BRMS1L: variants seen among roughly 807,000 people sequenced by gnomAD.
BRMS1L encodes the protein BRMS1 like transcriptional repressor.
In BRMS1L, 23 loss-of-function variants were observed where a neutral mutation model predicts 50.3. The observed-to-expected ratio is 0.46, with a 90% CI of 0.33 to 0.65. BRMS1L has a LOEUF of 0.65. Ranked by LOEUF, BRMS1L falls within the 30% of genes least tolerant of loss-of-function variation. The pLI, the probability that BRMS1L is intolerant of heterozygous loss-of-function variation, is 0.02. For missense variants in BRMS1L, 286 were observed against 386.1 expected (o/e 0.74, Z 2.17); for synonymous variants, 114 against 126.9 (o/e 0.90, Z 0.69).
chr14:35,854,407 T>C (rs1186847490), intron 4 of BRMS1L, among the ~76,000 whole-genome samples: 1 of 152,248 alleles, frequency 6.6e-6, no homozygotes, highest in Non-Finnish European at 1.5e-5. Flanking sequence ...AAGTCTGCAG[T>C]CATTCGTCGA....
chr14:35,846,581 G>T (rs774693568), intron 4 of BRMS1L, among the ~76,000 whole-genome samples: 1 of 152,008 alleles, frequency 6.6e-6, no homozygotes, highest in Non-Finnish European at 1.5e-5. Context: ...TTTTGAGTTG[G>T]TCTGCTATTT....
At chr14:35,863,110 A>AT (rs2078375269) in intron 5 of BRMS1L, among the ~76,000 whole-genome samples, 1 of 152,192 alleles carries the variant, frequency 6.6e-6, no homozygotes, top group African/African-American at 2.4e-5. Flanking sequence ...CCAAAAAAAA[A>AT]AAGAATAGTA....
chr14:35,858,267 C>A (rs910675625), intron 4 of BRMS1L, among the ~76,000 whole-genome samples: 1 of 152,162 alleles, frequency 6.6e-6, no homozygotes, highest in African/African-American at 2.4e-5. Context: ...GAAGGGCTCC[C>A]TCCTGGAAGC....
rs1384161786 is a variant in BRMS1L, at chr14:35,871,821, T to C, written c.*1344T>C. 1 of 152,680 alleles carries C rather than the reference T, an allele frequency of 6.5e-6. No individual in the cohort carries two copies. Among genetic ancestry groups the C allele is most frequent in the African/African-American group, 2.4e-5 (1 of 41,466 alleles). The allele number at this position is 152,680 out of a possible 1,614,324, so 9.5% of individuals were successfully genotyped here. On this transcript the variant is annotated 3_prime_UTR_variant, in exon 10 of 10. Coordinates refer to ENST00000216807, the MANE Select transcript of BRMS1L (RefSeq NM_032352.4). Reference sequence around the variant, plus strand: ...CAAAGTGATATTACGTTGTTCTGTTTCTAATTAACCTTAGCAAATGTACAT... The same window carrying C: ...CAAAGTGATATTACGTTGTTCTGTTCCTAATTAACCTTAGCAAATGTACAT...
intron 3 of BRMS1L, among the ~76,000 whole-genome samples, chr14:35,834,477 A>G (rs772698661): frequency 7.2e-5 from 11 of 152,162 alleles, no homozygotes; most frequent in Admixed American, 6.5e-5. Context: ...TATGTGATTG[A>G]TGACACCAGA....
rs144773777 is a variant in BRMS1L, at chr14:35,862,653, G to C, written c.505G>C (p.Glu169Gln). 9.9e-6 allele frequency: 16 copies of C among 1,611,472 alleles called. No homozygotes were observed. In the African/African-American group the frequency reaches 1.9e-4, roughly 19 times the overall value. The change falls in exon 5 of 10, where the codon GAA becomes CAA. Residue 169 changes from glutamate (E) to glutamine (Q), a missense_variant. Glu to Gln is a conservative substitution (Grantham distance 29). This residue lies in a region of BRMS1L where 160 missense variants were observed against 240.6 expected (regional missense o/e 0.66). Transcript: ENST00000216807. ...ACTAGAGGAGAAGATAAGAAGGCTTGAAGAGGATAGGCACAGCATTGATAT... is the reference window on the plus strand; with the variant it reads ...ACTAGAGGAGAAGATAAGAAGGCTTCAAGAGGATAGGCACAGCATTGATAT... ...SELEEKIRRL[E>Q]EDRHSIDITS... is the part of the protein sequence containing the mutation.
At chr14:35,842,904 C>G (rs1489149454) in intron 4 of BRMS1L, among the ~76,000 whole-genome samples, 1 of 152,118 alleles carries the variant, frequency 6.6e-6, no homozygotes, top group Non-Finnish European at 1.5e-5. Flanking sequence ...CTAATCTTGT[C>G]TTCATATTTT....
intron 4 of BRMS1L, among the ~76,000 whole-genome samples, chr14:35,860,062 C>T (rs2078330022): frequency 6.6e-6 from 1 of 152,046 alleles, no homozygotes; most frequent in Non-Finnish European, 1.5e-5. Flanking sequence ...ATCCTTTAGT[C>T]CATTTACTTT....
chr14:35,843,518 A>G (rs1441477469), intron 4 of BRMS1L, among the ~76,000 whole-genome samples: 3 of 152,172 alleles, frequency 2.0e-5, no homozygotes, highest in African/African-American at 7.2e-5. Context: ...GGAGGCTGCA[A>G]AACAGCAAAG....
chr14:35,856,278 T>C (rs538183047), intron 4 of BRMS1L, among the ~76,000 whole-genome samples: 7 of 152,276 alleles, frequency 4.6e-5, no homozygotes, highest in South Asian at 2.1e-4. Context: ...GTATAGAATA[T>C]GACAATGTGC....
At chr14:35,845,116 A>G (rs1490211800) in intron 4 of BRMS1L, among the ~76,000 whole-genome samples, 1 of 152,134 alleles carries the variant, frequency 6.6e-6, no homozygotes, top group Non-Finnish European at 1.5e-5. Context: ...TCTTAATTCT[A>G]ATAATTTGCA....
intron 9 of BRMS1L, 77 bp downstream of exon 9, chr14:35,868,109 C>T: frequency 7.0e-7 from 1 of 1,424,776 alleles, no homozygotes; most frequent in Non-Finnish European, 9.4e-7. Context: ...TATTTCCTGC[C>T]TCCATAGTGT....
In BRMS1L at chr14:35,837,052, C is replaced by T. The variant is rs534910980; in HGVS notation, c.441+2129C>T. Among the ~76,000 whole-genome samples, 20 of 151,620 alleles carry T rather than the reference C, an allele frequency of 1.3e-4. No individual in the cohort carries two copies. The South Asian group carries it at 3.6e-3, about 27-fold the overall frequency. ...TTTGGCTATCTGTTTGTCAGGAGTT[C>T]AAGACCAGCCTGACCAATATGATGA... On this transcript the variant is annotated intron_variant, in intron 4 of 9. Coordinates refer to ENST00000216807, the MANE Select transcript of BRMS1L (RefSeq NM_032352.4).
intron 4 of BRMS1L, among the ~76,000 whole-genome samples, chr14:35,857,779 A>C (rs2078299843): frequency 6.6e-6 from 1 of 152,050 alleles, no homozygotes; most frequent in Admixed American, 6.6e-5. Context: ...ATTATGTTTA[A>C]AATTTTTCTT....
chr14:35,831,380 T>C lies in BRMS1L; in HGVS notation c.143-30T>C, dbSNP rs1473040374. On this transcript the variant is annotated intron_variant, in intron 1 of 9. Coordinates refer to ENST00000216807, the MANE Select transcript of BRMS1L (RefSeq NM_032352.4). ...TTCAGATAAATTTGAAAATTAAGTTTATCTTTTATATTTGCCTTTTTATTA... is the reference window on the plus strand; with the variant it reads ...TTCAGATAAATTTGAAAATTAAGTTCATCTTTTATATTTGCCTTTTTATTA... The C allele has an allele frequency of 2.0e-6, 3 of 1,517,274 alleles. No homozygotes were observed. In the African/African-American group the frequency reaches 4.1e-5, roughly 21 times the overall value. 94.0% of individuals were successfully genotyped at this position (1,517,274 alleles called of 1,614,324 possible).
Position 35,831,562 on chromosome 14 carries a change from C to A in BRMS1L, c.233+62C>A, listed in dbSNP as rs538548570. 2.1e-4 allele frequency: 250 copies of A among 1,192,030 alleles called. 4 individuals are homozygous for A. In the South Asian group the frequency reaches 2.9e-3, roughly 14 times the overall value. The allele number at this position is 1,192,030 out of a possible 1,614,324, so 73.8% of individuals were successfully genotyped here. A position where few individuals can be genotyped will look rare whatever the true frequency, so the allele number is the denominator to read the frequency against. On this transcript the variant is annotated intron_variant, in intron 2 of 9. Coordinates refer to ENST00000216807, the MANE Select transcript of BRMS1L (RefSeq NM_032352.4). ...CTCAACCTTGTCACTTGTATACTAG[C>A]ACAAGAGCAACTAGATTCAGTCTCA...
At chr14:35,840,264 C>T (rs567703245) in intron 4 of BRMS1L, among the ~76,000 whole-genome samples, 29 of 152,218 alleles carry the variant, frequency 1.9e-4, no homozygotes, top group African/African-American at 6.5e-4. Flanking sequence ...CTGCTGGATT[C>T]GGTTTGCCAG....
Position 35,865,016 on chromosome 14 carries a change from G to T in BRMS1L, c.687+17G>T, listed in dbSNP as rs367795244. ...ATTAGGAAGGTATGATTAATGAGCA[G>T]TGGAACACAAGTATGTTTTTATAGT... On this transcript the variant is annotated intron_variant, in intron 7 of 9. Transcript: ENST00000216807. 47 of 1,518,912 alleles carry T rather than the reference G, an allele frequency of 3.1e-5. No individual in the cohort carries two copies. The African/African-American group carries it at 4.9e-4, about 16-fold the overall frequency. The allele number at this position is 1,518,912 out of a possible 1,614,324, so 94.1% of individuals were successfully genotyped here.
intron 7 of BRMS1L, among the ~76,000 whole-genome samples, 185 bp downstream of exon 7, chr14:35,865,184 A>G (rs2078405348): frequency 6.6e-6 from 1 of 152,220 alleles, no homozygotes; most frequent in Non-Finnish European, 1.5e-5. Context: ...AGAGTTAGAG[A>G]CATGTCAGCA....
Sources: allele counts gnomAD v4.1 joint callset (sites outside exome capture counted in the v4.1 genomes callset), GRCh38; gene constraint gnomAD v4.1.1; regional missense constraint gnomAD v4.1.1; transcripts MANE v1.5; gene names NCBI Gene and HGNC (gene_info 2026-07-23, HGNC 2026-07-21).